PDGFRL: variants seen among roughly 807,000 people sequenced by gnomAD.
PDGFRL encodes the protein platelet-derived growth factor receptor-like protein.
In PDGFRL, 46 loss-of-function variants were observed where a neutral mutation model predicts 37.2. That is an observed-to-expected ratio of 1.24 (90% CI 0.98 to 1.58). The LOEUF is 1.58. Among genes scored for constraint, PDGFRL ranks in the 40% most tolerant of loss-of-function variants. PDGFRL has a pLI of 0.00. For synonymous variants in PDGFRL, 251 were observed against 184.3 expected (o/e 1.36, Z -2.93); for missense variants, 692 against 467.6 (o/e 1.48, Z -4.43).
intron 2 of PDGFRL, among the ~76,000 whole-genome samples, chr8:17,612,504 G>A (rs545484778): frequency 6.6e-6 from 1 of 152,220 alleles, no homozygotes; most frequent in Admixed American, 6.5e-5. Flanking sequence ...CTGAGTAGCT[G>A]AGATTACAAG....
At chr8:17,600,230 T>G (rs141563720) in intron 2 of PDGFRL, among the ~76,000 whole-genome samples, 1 of 152,314 alleles carries the variant, frequency 6.6e-6, no homozygotes, top group African/African-American at 2.4e-5. Flanking sequence ...CGCTTTTCCA[T>G]GCCTTGAGAT....
intron 2 of PDGFRL, among the ~76,000 whole-genome samples, chr8:17,591,452 C>T (rs1239887656): frequency 6.6e-6 from 1 of 152,136 alleles, no homozygotes; most frequent in African/African-American, 2.4e-5. Flanking sequence ...GGTGAAGTCT[C>T]CTAAACTCTG....
chr8:17,576,728 G>C (rs1017258804), upstream of PDGFRL: 2 of 982,220 alleles, frequency 2.0e-6, no homozygotes, highest in African/African-American at 3.5e-5. Flanking sequence ...AGACACAGAG[G>C]AGCAGCAAGA....
chr8:17,600,026 C>T (rs117565738), intron 2 of PDGFRL, among the ~76,000 whole-genome samples: 5 of 152,270 alleles, frequency 3.3e-5, no homozygotes, highest in Non-Finnish European at 5.9e-5. Flanking sequence ...TCTGCCTTGA[C>T]CCCCATGCAC....
chr8:17,577,771 C>G (rs1359445999), intron 1 of PDGFRL, among the ~76,000 whole-genome samples: 2 of 151,694 alleles, frequency 1.3e-5, no homozygotes, highest in African/African-American at 2.4e-5. Context: ...CCTCCCCCTC[C>G]CCTCGCAGTT....
intron 2 of PDGFRL, among the ~76,000 whole-genome samples, chr8:17,615,779 G>A (rs1400565714): frequency 6.6e-6 from 1 of 152,174 alleles, no homozygotes; most frequent in Non-Finnish European, 1.5e-5. Context: ...TTAGCCGGAT[G>A]TGGTGGCACA....
chr8:17,637,808 A>G (rs1051669514), intron 5 of PDGFRL, among the ~76,000 whole-genome samples: 1 of 152,092 alleles, frequency 6.6e-6, no homozygotes, highest in African/African-American at 2.4e-5. Flanking sequence ...GGGTGGTATA[A>G]TTCCAGGAAT....
chr8:17,588,205 A>T (rs900264559), intron 1 of PDGFRL, among the ~76,000 whole-genome samples: 1 of 152,198 alleles, frequency 6.6e-6, no homozygotes, highest in African/African-American at 2.4e-5. Context: ...TGTTGGTGAA[A>T]TTCTAAATCG....
chr8:17,612,722 C>G (rs891287767), intron 2 of PDGFRL, among the ~76,000 whole-genome samples: 1 of 152,060 alleles, frequency 6.6e-6, no homozygotes, highest in African/African-American at 2.4e-5. Context: ...GATCTAGAAA[C>G]TTAAAAACTA....
In PDGFRL at chr8:17,629,790, G is replaced by A. The variant is rs1383287115; in HGVS notation, c.799+1010G>A. On this transcript the variant is annotated intron_variant, in intron 4 of 5. Coordinates refer to ENST00000251630, the MANE Select transcript of PDGFRL (RefSeq NM_001372073.1). ...CACAACCACTGTGACAGCAACCACC[G>A]GGGCTGACCCCAGCTCCAGTGACAC... Among the ~76,000 whole-genome samples, 7 of 152,102 alleles carry A rather than the reference G, an allele frequency of 4.6e-5. No homozygotes were observed. The East Asian group carries it at 7.8e-4, about 17-fold the overall frequency.
At chr8:17,627,574 A>G (rs961004399) in intron 3 of PDGFRL, among the ~76,000 whole-genome samples, 15 of 151,732 alleles carry the variant, frequency 9.9e-5, no homozygotes, top group African/African-American at 3.4e-4. Flanking sequence ...GGTTCAAGCA[A>G]TTCTCATGCT....
intron 5 of PDGFRL, among the ~76,000 whole-genome samples, chr8:17,635,823 G>C (rs772148278): frequency 2.0e-5 from 3 of 152,172 alleles, no homozygotes; most frequent in Non-Finnish European, 2.9e-5. Context: ...ATTCTTGCAG[G>C]AGTAAGGTGG....
At chr8:17,583,155 G>A (rs1386416054) in intron 1 of PDGFRL, among the ~76,000 whole-genome samples, 2 of 152,170 alleles carry the variant, frequency 1.3e-5, no homozygotes, top group Non-Finnish European at 2.9e-5. Flanking sequence ...GATTTCAGAG[G>A]ATGTATCAGA....
At chr8:17,612,882 G>A (rs1804449747) in intron 2 of PDGFRL, among the ~76,000 whole-genome samples, 1 of 152,096 alleles carries the variant, frequency 6.6e-6, no homozygotes, top group South Asian at 2.1e-4. Flanking sequence ...AATCTGTTGT[G>A]AATATTTTTT....
chr8:17,598,485 C>T (rs1243258902), intron 2 of PDGFRL, among the ~76,000 whole-genome samples: 2 of 152,148 alleles, frequency 1.3e-5, no homozygotes, highest in Non-Finnish European at 2.9e-5. Context: ...TTGGCTTCCA[C>T]AGGGGTTTAG....
At chr8:17,579,307 C>T (rs769876577) in intron 1 of PDGFRL, among the ~76,000 whole-genome samples, 5 of 151,996 alleles carry the variant, frequency 3.3e-5, no homozygotes, top group South Asian at 2.1e-4. Context: ...TTTGGCTAAA[C>T]CTATTAAGAA....
At chr8:17,628,442 T>G in intron 3 of PDGFRL, 45 bp from the exon 4 acceptor site, 2 of 1,520,858 alleles carry the variant, frequency 1.3e-6, no homozygotes. Flanking sequence ...GCTTTTACTT[T>G]GCGTCTCCGG....
intron 2 of PDGFRL, among the ~76,000 whole-genome samples, chr8:17,595,256 CCCTG>C (rs1463261156): frequency 3.2e-4 from 49 of 152,272 alleles, no homozygotes; most frequent in South Asian, 1.7e-3. Context: ...TGCCCTCCCT[CCCTG>C]CCCACCATCC....
intron 2 of PDGFRL, among the ~76,000 whole-genome samples, chr8:17,595,277 C>T (rs1346259630): frequency 6.6e-6 from 1 of 152,132 alleles, no homozygotes; most frequent in Non-Finnish European, 1.5e-5. Flanking sequence ...ATCCCCTCAA[C>T]CATTAGCCTG....
Sources: allele counts gnomAD v4.1 joint callset (sites outside exome capture counted in the v4.1 genomes callset), GRCh38; gene constraint gnomAD v4.1.1; transcripts MANE v1.5; gene names NCBI Gene and HGNC (gene_info 2026-07-23, HGNC 2026-07-21).